Variants in ANO4 observed in about 807,000 individuals in gnomAD.
ANO4 encodes the protein anoctamin 4.
Under a neutral mutation model 141.9 loss-of-function variants are expected in ANO4, and 69 were observed. The observed-to-expected ratio is 0.49, with a 90% CI of 0.40 to 0.59. The LOEUF (loss-of-function observed/expected upper bound fraction) is 0.59. Among genes scored for constraint, ANO4 ranks in the 20% least tolerant of loss-of-function variants. The pLI is 0.00. For missense variants in ANO4, 894 were observed against 1,162.2 expected, an observed-to-expected ratio of 0.77 and a Z score of 3.36; for synonymous variants, 350 against 394.3, an observed-to-expected ratio of 0.89 and a Z score of 1.33.
chr12:100,900,261 C>G (rs1187492674), intron 1 of ANO4, among the ~76,000 whole-genome samples: 1 of 151,852 alleles, frequency 6.6e-6, no homozygotes, highest in Non-Finnish European at 1.5e-5. Context: ...CTCTCTCCCT[C>G]TCCCACCCTC....
At position 100,818,574 on chromosome 12, in the gene ANO4, A is replaced by T. The variant is rs1453830697; in HGVS notation, c.-141+23547A>T. On this transcript the variant is annotated intron_variant, in intron 1 of 27. Transcript: ENST00000392977. Reference sequence around the variant, plus strand: ...ATAAATAATTAAAACAAATAATAATAGAATGTTTAATGGGAGAAATAGGCA... The same window carrying T: ...ATAAATAATTAAAACAAATAATAATTGAATGTTTAATGGGAGAAATAGGCA... Among the ~76,000 whole-genome samples, 4 of 151,982 alleles carry T rather than the reference A, an allele frequency of 2.6e-5. No homozygotes were observed. The East Asian group carries it at 7.7e-4, about 29-fold the overall frequency.
chr12:101,092,428 C>T (rs1205634331), intron 17 of ANO4, among the ~76,000 whole-genome samples: 1 of 152,176 alleles, frequency 6.6e-6, no homozygotes. Context: ...TTTTCCACTG[C>T]TCTTAGCAGA....
At chr12:100,788,163 A>G (rs1046763849) in intron 3 of ANO4, among the ~76,000 whole-genome samples, 1 of 152,178 alleles carries the variant, frequency 6.6e-6, no homozygotes, top group African/African-American at 2.4e-5. Context: ...CCTTTGAGAC[A>G]GCTCCCTGGG....
intron 7 of ANO4, among the ~76,000 whole-genome samples, chr12:100,984,938 GT>G (rs2044643281): frequency 6.7e-6 from 1 of 150,352 alleles, no homozygotes. Context: ...AGCTTTATTT[GT>G]TTTTATCCAT....
chr12:101,098,268 GT>G (rs2050062793), intron 21 of ANO4, among the ~76,000 whole-genome samples: 1 of 152,190 alleles, frequency 6.6e-6, no homozygotes, highest in Non-Finnish European at 1.5e-5. Context: ...CCTTAGCTAT[GT>G]ATGACACATT....
intron 1 of ANO4, among the ~76,000 whole-genome samples, chr12:100,874,622 T>A (rs2039202750): frequency 6.6e-6 from 1 of 152,146 alleles, no homozygotes; most frequent in African/African-American, 2.4e-5. Context: ...TGGGTTCAAG[T>A]GATGCTCCTG....
At chr12:101,068,563 G>T in intron 14 of ANO4, 1 of 1,373,074 alleles carries the variant, frequency 7.3e-7, no homozygotes, top group Non-Finnish European at 1.0e-6. Flanking sequence ...ATACTAAAGA[G>T]ATGTTTGGTG....
chr12:100,717,372 G>A (rs1277082224), upstream of ANO4, among the ~76,000 whole-genome samples: 1 of 151,498 alleles, frequency 6.6e-6, no homozygotes. Flanking sequence ...AGGGGCGAGC[G>A]CGGCGCGCTG....
intron 9 of ANO4, among the ~76,000 whole-genome samples, chr12:101,033,233 C>T (rs373056388): frequency 6.6e-5 from 10 of 151,540 alleles, no homozygotes; most frequent in Admixed American, 1.3e-4. Flanking sequence ...AACCAAACAC[C>T]GCATATTCTC....
At chr12:100,980,691 A>G (rs529321871) in intron 7 of ANO4, among the ~76,000 whole-genome samples, 13 of 152,326 alleles carry the variant, frequency 8.5e-5, no homozygotes, top group Admixed American at 4.6e-4. Context: ...ACTTCTTCAT[A>G]ATATCTTTAT....
intron 2 of ANO4, among the ~76,000 whole-genome samples, chr12:100,902,721 G>A (rs1593697668): frequency 6.6e-6 from 1 of 152,140 alleles, no homozygotes; most frequent in Non-Finnish European, 1.5e-5. Flanking sequence ...AAACACCAGG[G>A]CCGTTGGGCA....
intron 5 of ANO4, among the ~76,000 whole-genome samples, chr12:100,945,568 A>AT (rs2042686999): frequency 6.6e-6 from 1 of 152,164 alleles, no homozygotes; most frequent in South Asian, 2.1e-4. Flanking sequence ...TGATTTTTTC[A>AT]TTTTTAATTC....
chr12:100,802,667 G>C (rs985693001), intron 1 of ANO4, among the ~76,000 whole-genome samples: 1 of 152,124 alleles, frequency 6.6e-6, no homozygotes, highest in Admixed American at 6.5e-5. Context: ...AATCGAGCAC[G>C]TACTATGTTT....
At chr12:100,941,198 G>A (rs77569226) in intron 4 of ANO4, among the ~76,000 whole-genome samples, 2,977 of 149,604 alleles carry the variant, frequency 0.02, 47 homozygotes, top group Middle Eastern at 0.055. Context: ...AAGGTAAAAT[G>A]TTTTTCTTGT....
chr12:100,754,235 C>T (rs773403570), intron 3 of ANO4, among the ~76,000 whole-genome samples: 1 of 152,188 alleles, frequency 6.6e-6, no homozygotes, highest in Non-Finnish European at 1.5e-5. Flanking sequence ...TCTCTTCCAC[C>T]CTTCCCACAT....
In ANO4 at chr12:100,717,546, CG is replaced by C; in HGVS notation, c.22+1del. ...CCAGGATGGCCTCCCTCACCGCATACGGTAACTGGGGCCGTCGCGGGTTCCT... is the reference window on the plus strand; with the variant it reads ...CCAGGATGGCCTCCCTCACCGCATACGTAACTGGGGCCGTCGCGGGTTCCT... On this transcript the variant is annotated frameshift_variant and splice_region_variant, in exon 1 of 30. Coordinates refer to the ANO4 transcript ENST00000644049. LOFTEE classifies it high-confidence loss of function. 2.5e-6 allele frequency: 1 copy of C among 399,694 alleles called. No individual in the cohort carries two copies. The highest frequency in any genetic ancestry group is 4.4e-5 in the Admixed American group (1 of 22,728). The allele number at this position is 399,694 out of a possible 1,614,324, so 24.8% of individuals were successfully genotyped here.
chr12:100,778,382 A>T (rs2033603353), intron 3 of ANO4, among the ~76,000 whole-genome samples: 1 of 152,184 alleles, frequency 6.6e-6, no homozygotes. Context: ...TAAGGTAGAC[A>T]AGTATAATTT....
intron 22 of ANO4, among the ~76,000 whole-genome samples, chr12:101,104,668 T>TAA (rs2050368488): frequency 3.4e-5 from 2 of 58,930 alleles, no homozygotes; most frequent in African/African-American, 1.3e-4. Context: ...TATATATATA[T>TAA]ATAAATAAAA....
At chr12:100,884,400 T>C (rs2039723502) in intron 1 of ANO4, among the ~76,000 whole-genome samples, 1 of 152,198 alleles carries the variant, frequency 6.6e-6, no homozygotes, top group Admixed American at 6.5e-5. Flanking sequence ...GACCACTGCC[T>C]TGGAGGCTGT....
Sources: allele counts gnomAD v4.1 joint callset (sites outside exome capture counted in the v4.1 genomes callset), GRCh38; gene constraint gnomAD v4.1.1; transcripts MANE v1.5; gene names NCBI Gene and HGNC (gene_info 2026-07-23, HGNC 2026-07-21).